EYS: variants seen among roughly 807,000 people sequenced by gnomAD.
The protein encoded by EYS is protein eyes shut homolog.
Under a neutral mutation model 282.1 loss-of-function variants are expected in EYS, and 250 were observed. That is an observed-to-expected ratio of 0.89 (90% CI 0.80 to 0.98). EYS has a LOEUF of 0.98. EYS is among the 50% of genes least tolerant of loss of function. EYS has a pLI of 0.00. For missense variants in EYS, 4,016 were observed against 3,709.0 expected, an observed-to-expected ratio of 1.08 and a Z score of -2.15; for synonymous variants, 1,355 against 1,282.9, an observed-to-expected ratio of 1.06 and a Z score of -1.20.
intron 30 of EYS, among the ~76,000 whole-genome samples, chr6:64,241,653 GTT>G (rs1287891732): frequency 6.7e-6 from 1 of 148,872 alleles, no homozygotes; most frequent in African/African-American, 2.5e-5. Context: ...TTTTTTGAAG[GTT>G]TTTGTGTGTG....
chr6:64,822,462 G>A (rs1319644414), intron 20 of EYS, among the ~76,000 whole-genome samples, 189 bp downstream of exon 20: 1 of 152,034 alleles, frequency 6.6e-6, no homozygotes, highest in Non-Finnish European at 1.5e-5. Context: ...TAAAAGAAGG[G>A]CAGAGATAAT....
intron 19 of EYS, among the ~76,000 whole-genome samples, chr6:64,880,659 A>T (rs897358970): frequency 6.6e-6 from 1 of 151,106 alleles, no homozygotes; most frequent in African/African-American, 2.4e-5. Context: ...GGTCCCCATA[A>T]TCATTTGTTT....
chr6:64,199,285 C>G (rs903277419), intron 31 of EYS, among the ~76,000 whole-genome samples: 3 of 152,154 alleles, frequency 2.0e-5, no homozygotes, highest in African/African-American at 7.2e-5. Flanking sequence ...TGCCACACAT[C>G]TACAACAATT....
At chr6:63,974,257 G>C (rs1419645929) in intron 35 of EYS, among the ~76,000 whole-genome samples, 1 of 151,838 alleles carries the variant, frequency 6.6e-6, no homozygotes, top group Non-Finnish European at 1.5e-5. Flanking sequence ...CAATCTATAA[G>C]TGGTCAAAAA....
chr6:64,486,359 T>C (rs1776579032), intron 26 of EYS, among the ~76,000 whole-genome samples: 1 of 151,380 alleles, frequency 6.6e-6, no homozygotes, highest in Admixed American at 6.6e-5. Context: ...AGAGTATCTG[T>C]CAGATAACAA....
chr6:64,124,495 G>T (rs559536512), intron 31 of EYS, among the ~76,000 whole-genome samples: 87 of 152,328 alleles, frequency 5.7e-4, no homozygotes, highest in Admixed American at 1.3e-3. Flanking sequence ...TGTTGACTGA[G>T]TGATCATTTC....
intron 31 of EYS, among the ~76,000 whole-genome samples, chr6:64,084,917 C>T (rs576759425): frequency 6.6e-6 from 1 of 152,262 alleles, no homozygotes; most frequent in African/African-American, 2.4e-5. Context: ...GGGTACATAT[C>T]TAGTCCGTGG....
At chr6:64,583,566 T>A (rs1766140525) in intron 26 of EYS, among the ~76,000 whole-genome samples, 1 of 152,068 alleles carries the variant, frequency 6.6e-6, no homozygotes, top group African/African-American at 2.4e-5. Context: ...GAGGCCAAGG[T>A]GGGCTTATCA....
intron 21 of EYS, among the ~76,000 whole-genome samples, chr6:64,821,416 G>A (rs943517644): frequency 9.9e-5 from 15 of 151,880 alleles, no homozygotes; most frequent in East Asian, 3.9e-4. Flanking sequence ...GAGGAGAATC[G>A]TGGAATTTTC....
At chr6:64,655,840 C>A (rs1768725680) in intron 22 of EYS, among the ~76,000 whole-genome samples, 1 of 151,906 alleles carries the variant, frequency 6.6e-6, no homozygotes, top group African/African-American at 2.4e-5. Context: ...ATGCATACAT[C>A]AAAATAAAAG....
chr6:65,634,509 GTGTTTATGTGA>G (rs1454581578), intron 2 of EYS, among the ~76,000 whole-genome samples: 4 of 152,176 alleles, frequency 2.6e-5, no homozygotes, highest in Non-Finnish European at 5.9e-5. Flanking sequence ...TGAATATACA[GTGTTTATGTGA>G]TGATTAATCT....
chr6:65,202,879 G>A (rs1582012870), intron 12 of EYS, among the ~76,000 whole-genome samples: 1 of 152,130 alleles, frequency 6.6e-6, no homozygotes, highest in East Asian at 1.9e-4. Context: ...TGCAGGAGAG[G>A]CACCTCCAAC....
chr6:65,070,951 A>G (rs1011892096), intron 12 of EYS, among the ~76,000 whole-genome samples: 1 of 151,924 alleles, frequency 6.6e-6, no homozygotes, highest in Non-Finnish European at 1.5e-5. Flanking sequence ...TGCATTTTAC[A>G]TTATTTAGAA....
chr6:65,519,110 G>A (rs967461554), intron 2 of EYS, among the ~76,000 whole-genome samples: 1 of 152,096 alleles, frequency 6.6e-6, no homozygotes, highest in Non-Finnish European at 1.5e-5. Flanking sequence ...CTTTCATTGT[G>A]TTTGAGTTGT....
intron 35 of EYS, among the ~76,000 whole-genome samples, chr6:63,977,419 G>C (rs1401244003): frequency 6.6e-6 from 1 of 152,002 alleles, no homozygotes; most frequent in Non-Finnish European, 1.5e-5. Flanking sequence ...CTTACATGGA[G>C]ATGCTTCCTG....
chr6:64,066,852 G>A (rs977676690), intron 32 of EYS, among the ~76,000 whole-genome samples: 1 of 152,008 alleles, frequency 6.6e-6, no homozygotes, highest in African/African-American at 2.4e-5. Flanking sequence ...AATAATAAAT[G>A]AAAAGTGCCA....
chr6:64,099,898 A>C (rs1362033515), intron 31 of EYS, among the ~76,000 whole-genome samples: 1 of 152,194 alleles, frequency 6.6e-6, no homozygotes, highest in African/African-American at 2.4e-5. Context: ...AACTCAAGAA[A>C]TATATTTAAA....
chr6:63,919,987 G>A (rs1348534312), intron 35 of EYS, among the ~76,000 whole-genome samples: 1 of 152,116 alleles, frequency 6.6e-6, no homozygotes, highest in African/African-American at 2.4e-5. Flanking sequence ...TGACTCCTCT[G>A]GCAAACAATA....
chr6:64,636,350 T>C (rs1256485128), intron 22 of EYS, among the ~76,000 whole-genome samples: 2 of 152,210 alleles, frequency 1.3e-5, no homozygotes, highest in Non-Finnish European at 2.9e-5. Context: ...AAGCGTTCCC[T>C]ATTTAACAAA....
Sources: gnomAD v4.1 joint callset for allele counts (sites outside exome capture counted in the v4.1 genomes callset) on GRCh38, gnomAD v4.1.1 for gene constraint, MANE v1.5 for transcripts, NCBI Gene and HGNC (gene_info 2026-07-23, HGNC 2026-07-21) for gene names.